The following PLEKHH2 variants were observed in gnomAD, a reference collection of about 807,000 sequenced individuals.
The protein encoded by PLEKHH2 is pleckstrin homology domain-containing family H member 2.
A neutral mutation model predicts 187.9 loss-of-function variants in PLEKHH2; 129 were observed. That is an observed-to-expected ratio of 0.69 (90% CI 0.59 to 0.79). The LOEUF (loss-of-function observed/expected upper bound fraction) is 0.79. Ranked by LOEUF, PLEKHH2 falls within the 30% of genes least tolerant of loss-of-function variation. The pLI, the probability that PLEKHH2 is intolerant of heterozygous loss-of-function variation, is 0.00. For synonymous variants in PLEKHH2, 686 were observed against 605.6 expected, an observed-to-expected ratio of 1.13 and a Z score of -1.95; for missense variants, 2,076 against 1,751.2, an observed-to-expected ratio of 1.19 and a Z score of -3.31.
intron 2 of PLEKHH2, among the ~76,000 whole-genome samples, chr2:43,669,424 T>C (rs1174810639): frequency 2.0e-5 from 3 of 152,180 alleles, no homozygotes; most frequent in Non-Finnish European, 4.4e-5. Flanking sequence ...TAAAAACCAC[T>C]GAATTACACT....
In PLEKHH2 at chr2:43,657,312, G is replaced by A. The variant is rs570020764; in HGVS notation, c.123+12516G>A. Reference sequence around the variant, plus strand: ...GGATTACAGGTGCTTCCAAGTAGTTGGGATTACAGGTGCACGCCGCCACAC... The same window carrying A: ...GGATTACAGGTGCTTCCAAGTAGTTAGGATTACAGGTGCACGCCGCCACAC... On this transcript the variant is annotated intron_variant, in intron 2 of 29. Transcript: ENST00000282406. Among the ~76,000 whole-genome samples the A allele has an allele frequency of 3.3e-5, 5 of 152,254 alleles. No homozygotes were observed. The East Asian group carries it at 5.8e-4, about 18-fold the overall frequency.
At chr2:43,705,448 G>A (rs1669613006) in intron 9 of PLEKHH2, among the ~76,000 whole-genome samples, 1 of 151,348 alleles carries the variant, frequency 6.6e-6, no homozygotes, top group Non-Finnish European at 1.5e-5. Context: ...GTGGAGATGG[G>A]GGTCTCACTG....
Position 43,738,409 on chromosome 2 carries a change from G to T in PLEKHH2, c.3012G>T (p.Gln1004His). 2 of 1,613,996 alleles carry T rather than the reference G, an allele frequency of 1.2e-6. No homozygotes were observed. Among genetic ancestry groups the T allele is most frequent in the Non-Finnish European group, 1.7e-6 (2 of 1,179,938 alleles). Residue 1004 changes from glutamine to histidine, a missense_variant, in exon 20 of 30, where the codon CAG becomes CAT. Coordinates refer to ENST00000282406, the MANE Select transcript of PLEKHH2 (RefSeq NM_172069.4). The part of the protein sequence containing the change: ...PAIDYHISLA[Q>H]SALQICLTHP... ...TTGATTACCACATATCTTTAGCCCA[G>T]AGTGCTTTGCAAATCTGCCTGACAC...
At chr2:43,756,596 G>C (rs1265931989) in intron 25 of PLEKHH2, among the ~76,000 whole-genome samples, 1 of 152,158 alleles carries the variant, frequency 6.6e-6, no homozygotes, top group African/African-American at 2.4e-5. Context: ...TAGTAAACTA[G>C]GAAGGTTAAT....
At chr2:43,726,244 T>C in intron 16 of PLEKHH2, 28 bp from the exon 17 acceptor site, 1 of 1,496,072 alleles carries the variant, frequency 6.7e-7, no homozygotes, top group Non-Finnish European at 9.2e-7. Flanking sequence ...GAAAATGCCT[T>C]CCTCACAATT....
At chr2:43,689,924 G>A (rs1051842109) in intron 3 of PLEKHH2, among the ~76,000 whole-genome samples, 2 of 152,194 alleles carry the variant, frequency 1.3e-5, no homozygotes, top group South Asian at 2.1e-4. Context: ...ACTATTTTAT[G>A]TGGCAACCCA....
intron 2 of PLEKHH2, among the ~76,000 whole-genome samples, chr2:43,676,773 T>G (rs1337656838): frequency 1.3e-5 from 2 of 152,290 alleles, no homozygotes; most frequent in Admixed American, 1.3e-4. Flanking sequence ...TTTTAGTATT[T>G]GTGTGTCTGT....
intron 28 of PLEKHH2, among the ~76,000 whole-genome samples, chr2:43,763,941 C>T (rs921740816): frequency 2.0e-5 from 3 of 151,898 alleles, no homozygotes; most frequent in African/African-American, 4.8e-5. Context: ...AGTGGCTTTC[C>T]ACTAGATGCT....
intron 25 of PLEKHH2, among the ~76,000 whole-genome samples, chr2:43,755,095 A>G (rs1230981211): frequency 6.6e-5 from 10 of 150,968 alleles, no homozygotes. Context: ...CTAGTCTCGA[A>G]CTCCTGACCT....
chr2:43,761,978 G>T (rs775073915), intron 27 of PLEKHH2, among the ~76,000 whole-genome samples: 4 of 152,050 alleles, frequency 2.6e-5, no homozygotes, highest in African/African-American at 9.7e-5. Context: ...GACTATTAAC[G>T]TCTTAACGCA....
At position 43,718,232 on chromosome 2, in the gene PLEKHH2, G is replaced by C. The variant is rs921117437; in HGVS notation, c.2461-2437G>C. Among the ~76,000 whole-genome samples, 233 of 152,192 alleles carry C rather than the reference G, an allele frequency of 1.5e-3. 1 individual carries two copies. Among genetic ancestry groups the C allele is most frequent in the African/African-American group, 5.3e-3 (221 of 41,540 alleles). Reference sequence around the variant, plus strand: ...AATTTGTTTTCTAGTTTTTTAAAGAGTAAGTCAGAGATTTAAGAAATTCTA... The same window carrying C: ...AATTTGTTTTCTAGTTTTTTAAAGACTAAGTCAGAGATTTAAGAAATTCTA... On this transcript the variant is annotated intron_variant, in intron 15 of 29. Transcript: ENST00000282406.
At chr2:43,705,653 G>A (rs1292200005) in intron 9 of PLEKHH2, among the ~76,000 whole-genome samples, 1 of 152,114 alleles carries the variant, frequency 6.6e-6, no homozygotes. Context: ...AACAAGTCTT[G>A]CTCTGTCGCC....
chr2:43,709,221 T>C (rs1669822347), intron 11 of PLEKHH2, among the ~76,000 whole-genome samples: 2 of 152,202 alleles, frequency 1.3e-5, no homozygotes, highest in Non-Finnish European at 1.5e-5. Flanking sequence ...TTATGAAATA[T>C]TTTTAAAATC....
At chr2:43,728,048 G>C (rs923001611) in intron 17 of PLEKHH2, among the ~76,000 whole-genome samples, 1 of 152,176 alleles carries the variant, frequency 6.6e-6, no homozygotes, top group Non-Finnish European at 1.5e-5. Context: ...GAGGAGGGAA[G>C]CACTCCTATA....
At chr2:43,685,229 C>A (rs1668443504) in intron 3 of PLEKHH2, among the ~76,000 whole-genome samples, 1 of 152,164 alleles carries the variant, frequency 6.6e-6, no homozygotes, top group Admixed American at 6.5e-5. Context: ...GAATATTTTG[C>A]CACTAAAAGC....
chr2:43,670,265 C>G (rs1395672863), intron 2 of PLEKHH2, among the ~76,000 whole-genome samples: 5 of 152,092 alleles, frequency 3.3e-5, no homozygotes, highest in Non-Finnish European at 7.4e-5. Context: ...CACATATGAT[C>G]CAAGGACTTC....
chr2:43,765,307 G>T, intron 29 of PLEKHH2, 106 bp from the exon 30 acceptor site: 1 of 1,023,246 alleles, frequency 9.8e-7, no homozygotes, highest in Non-Finnish European at 1.4e-6. Context: ...AATTCTGGTA[G>T]CCTGGGCACT....
intron 22 of PLEKHH2, 42 bp downstream of exon 22, chr2:43,742,960 G>A (rs548170369): frequency 1.4e-6 from 2 of 1,400,722 alleles, no homozygotes; most frequent in Admixed American, 2.6e-5. Flanking sequence ...ACAATCCTAT[G>A]TACAACCTCT....
At chr2:43,658,969 C>CTTTTTTTTTT (rs1666927942) in intron 2 of PLEKHH2, 1 of 124,032 alleles carries the variant, frequency 8.1e-6, no homozygotes, top group Non-Finnish European at 1.7e-5. Context: ...ACTTTTTTTT[C>CTTTTTTTTTT]TTTCTTTTTT....
Sources: gnomAD v4.1 joint callset for allele counts (sites outside exome capture counted in the v4.1 genomes callset) on GRCh38, gnomAD v4.1.1 for gene constraint, MANE v1.5 for transcripts, NCBI Gene and HGNC (gene_info 2026-07-23, HGNC 2026-07-21) for gene names.